The following TRAPPC9 variants were observed in gnomAD, a reference collection of about 807,000 sequenced individuals.
TRAPPC9 encodes the protein trafficking protein particle complex subunit 9, also known as IKK2 binding protein.
A neutral mutation model predicts 124.0 loss-of-function variants in TRAPPC9; 83 were observed. The observed-to-expected ratio is 0.67, with a 90% CI of 0.56 to 0.80. The LOEUF is 0.80. TRAPPC9 is among the 30% of genes least tolerant of loss of function. TRAPPC9 has a pLI of 0.00. For synonymous variants in TRAPPC9, 638 were observed against 617.5 expected (o/e 1.03, Z -0.49); for missense variants, 1,302 against 1,508.3 (o/e 0.86, Z 2.27).
At chr8:139,995,192 C>T (rs984503549) in intron 18 of TRAPPC9, among the ~76,000 whole-genome samples, 1 of 152,186 alleles carries the variant, frequency 6.6e-6, no homozygotes, top group Non-Finnish European at 1.5e-5. Context: ...TCTCCAGTAC[C>T]ACCTGGCCTC....
intron 17 of TRAPPC9, among the ~76,000 whole-genome samples, chr8:140,135,352 C>A (rs970496865): frequency 1.3e-5 from 2 of 152,166 alleles, no homozygotes; most frequent in Admixed American, 1.3e-4. Context: ...TATCCCAATA[C>A]TCATAGCAGC....
chr8:140,004,187 C>T (rs533097514), intron 18 of TRAPPC9, among the ~76,000 whole-genome samples: 31 of 151,972 alleles, frequency 2.0e-4, no homozygotes, highest in African/African-American at 7.0e-4. Flanking sequence ...ACGGTGGGGC[C>T]GGGGAGATGC....
chr8:139,814,065 C>T (rs1420443198), intron 21 of TRAPPC9, among the ~76,000 whole-genome samples: 1 of 152,220 alleles, frequency 6.6e-6, no homozygotes, highest in Non-Finnish European at 1.5e-5. Context: ...TGCATCTTCC[C>T]TCACTGCCTC....
intron 18 of TRAPPC9, among the ~76,000 whole-genome samples, chr8:140,003,516 C>T (rs1838538070): frequency 6.6e-6 from 1 of 150,800 alleles, no homozygotes; most frequent in African/African-American, 2.4e-5. Flanking sequence ...GCAGGAGAAT[C>T]GCTTGAACCT....
At chr8:139,915,752 T>C (rs546913785) in intron 19 of TRAPPC9, among the ~76,000 whole-genome samples, 1 of 152,314 alleles carries the variant, frequency 6.6e-6, no homozygotes, top group African/African-American at 2.4e-5. Flanking sequence ...TTGCCACAGC[T>C]GTCTGCTAAC....
intron 21 of TRAPPC9, among the ~76,000 whole-genome samples, chr8:139,812,778 A>G (rs777890726): frequency 6.6e-6 from 1 of 152,170 alleles, no homozygotes; most frequent in Non-Finnish European, 1.5e-5. Flanking sequence ...TAGAATTTGA[A>G]CCCTTGGAAG....
intron 19 of TRAPPC9, among the ~76,000 whole-genome samples, chr8:139,952,520 G>A (rs116645824): frequency 0.015 from 2,307 of 152,284 alleles, 56 homozygotes; most frequent in African/African-American, 0.053. Context: ...CCGGCAGCTC[G>A]GGTCACCAGA....
rs1314800707 is a variant in TRAPPC9 at position 140,275,803 on chromosome 8, T to C, written c.2133A>G (p.Gln711=). 1.2e-6 allele frequency: 2 copies of C among 1,613,290 alleles called. No individual in the cohort carries two copies. The highest frequency in any genetic ancestry group is 2.2e-5 in the South Asian group (2 of 91,066). Residue 711 remains glutamine, a synonymous_variant, in exon 15 of 23, where the codon CAA becomes CAG. Transcript: ENST00000438773. The part of the protein sequence containing the change: ...TSLPRSAHSL[Q]PSSGDEISTN... ...TAGATATTTCATCACCAGAAGAAGG[T>C]TGCAATGAATGTGCAGATCTAAAAT...
At chr8:140,189,541 C>T (rs555512241) in intron 17 of TRAPPC9, among the ~76,000 whole-genome samples, 2 of 152,256 alleles carry the variant, frequency 1.3e-5, no homozygotes, top group East Asian at 1.9e-4. Context: ...GAGGCCTAGA[C>T]GGCTCCTAAG....
intron 17 of TRAPPC9, among the ~76,000 whole-genome samples, chr8:140,154,709 T>A (rs1179472538): frequency 6.6e-6 from 1 of 152,196 alleles, no homozygotes; most frequent in Non-Finnish European, 1.5e-5. Context: ...TGAAATCACA[T>A]CCCTTTTCTT....
intron 17 of TRAPPC9, among the ~76,000 whole-genome samples, chr8:140,046,636 C>T (rs549088935): frequency 6.6e-6 from 1 of 152,320 alleles, no homozygotes; most frequent in East Asian, 1.9e-4. Flanking sequence ...TGGACATGAG[C>T]CCTGCTACAT....
intron 8 of TRAPPC9, among the ~76,000 whole-genome samples, chr8:140,362,634 G>C (rs1024002813): frequency 1.3e-5 from 2 of 152,168 alleles, no homozygotes; most frequent in African/African-American, 4.8e-5. Flanking sequence ...TACAACTGCA[G>C]GAAAGGAGAG....
At chr8:140,036,022 G>A (rs1468373564) in intron 17 of TRAPPC9, among the ~76,000 whole-genome samples, 4 of 152,186 alleles carry the variant, frequency 2.6e-5, no homozygotes, top group Non-Finnish European at 5.9e-5. Flanking sequence ...CTACACAGGG[G>A]AATTGAATGC....
At chr8:140,249,833 C>G (rs928130839) in intron 16 of TRAPPC9, among the ~76,000 whole-genome samples, 3 of 152,068 alleles carry the variant, frequency 2.0e-5, no homozygotes, top group African/African-American at 4.8e-5. Flanking sequence ...TGGTCTCAAT[C>G]TCCTGACCTC....
intron 1 of TRAPPC9, among the ~76,000 whole-genome samples, chr8:140,456,015 G>T (rs539915106): frequency 6.6e-6 from 1 of 152,210 alleles, no homozygotes; most frequent in Non-Finnish European, 1.5e-5. Context: ...GGCTGTCGGA[G>T]GGGGGAATGA....
intron 1 of TRAPPC9, among the ~76,000 whole-genome samples, chr8:140,454,156 G>A (rs934365338): frequency 3.3e-5 from 5 of 152,010 alleles, no homozygotes; most frequent in Non-Finnish European, 7.4e-5. Flanking sequence ...AGGAGTGGTA[G>A]CACACACCCG....
At chr8:139,898,064 C>A (rs4736112) in intron 20 of TRAPPC9, among the ~76,000 whole-genome samples, 65,247 of 152,170 alleles carry the variant, frequency 0.43, 14,084 homozygotes, top group East Asian at 0.62. Flanking sequence ...GGTGTCAGCT[C>A]GTCCCCTGCC....
intron 10 of TRAPPC9, among the ~76,000 whole-genome samples, chr8:140,301,948 C>T (rs2065991037): frequency 6.6e-6 from 1 of 152,236 alleles, no homozygotes; most frequent in Admixed American, 6.5e-5. Flanking sequence ...CAACCCACAC[C>T]AAACTTGTGT....
intron 19 of TRAPPC9, among the ~76,000 whole-genome samples, chr8:139,949,740 G>A (rs1247666645): frequency 1.3e-5 from 2 of 152,110 alleles, no homozygotes; most frequent in East Asian, 3.9e-4. Context: ...AGGGCTGGGG[G>A]TGGGGGAAGT....
Sources: gnomAD v4.1 joint callset for allele counts (sites outside exome capture counted in the v4.1 genomes callset) on GRCh38, gnomAD v4.1.1 for gene constraint, MANE v1.5 for transcripts, NCBI Gene and HGNC (gene_info 2026-07-23, HGNC 2026-07-21) for gene names.